The following CERS3 variants were observed in gnomAD, a reference collection of about 807,000 sequenced individuals.
The protein encoded by CERS3 is LAG1 homolog, ceramide synthase 3.
A neutral mutation model predicts 50.3 loss-of-function variants in CERS3; 33 were observed. That is an observed-to-expected ratio of 0.66 (90% CI 0.50 to 0.88). CERS3 has a LOEUF of 0.88. Ranked by LOEUF, CERS3 falls within the 40% of genes least tolerant of loss-of-function variation. The pLI is 0.00. For synonymous variants in CERS3, 176 were observed against 155.2 expected (o/e 1.13, Z -0.99); for missense variants, 470 against 460.3 (o/e 1.02, Z -0.19).
chr15:100,487,923 C>CAT (rs1228523066), intron 4 of CERS3, among the ~76,000 whole-genome samples: 6 of 152,154 alleles, frequency 3.9e-5, no homozygotes, highest in East Asian at 1.9e-4. Context: ...TGCATCAGTT[C>CAT]ATATATATAT....
chr15:100,539,300 T>C (rs1177977522), intron 1 of CERS3, among the ~76,000 whole-genome samples: 2 of 152,216 alleles, frequency 1.3e-5, no homozygotes, highest in Non-Finnish European at 2.9e-5. Flanking sequence ...AGTTCCAAAG[T>C]TGCTTCCACA....
At chr15:100,412,030 T>C (rs2142060605) in intron 11 of CERS3, among the ~76,000 whole-genome samples, 1 of 152,346 alleles carries the variant, frequency 6.6e-6, no homozygotes, top group East Asian at 1.9e-4. Flanking sequence ...ATCAGATATA[T>C]GATTTGCAAA....
At chr15:100,532,177 T>A (rs2036953395), upstream of CERS3, among the ~76,000 whole-genome samples, 1 of 152,128 alleles carries the variant, frequency 6.6e-6, no homozygotes, top group Admixed American at 6.5e-5. Flanking sequence ...TGCATGGGTG[T>A]AGATGGGGAA....
At chr15:100,417,630 G>A (rs998879281) in intron 11 of CERS3, among the ~76,000 whole-genome samples, 10 of 152,026 alleles carry the variant, frequency 6.6e-5, no homozygotes, top group Non-Finnish European at 1.0e-4. Flanking sequence ...TGGGGGCAGG[G>A]CACAGCCAAA....
At chr15:100,520,645 C>A (rs1321751836) in intron 2 of CERS3, among the ~76,000 whole-genome samples, 1 of 152,174 alleles carries the variant, frequency 6.6e-6, no homozygotes, top group African/African-American at 2.4e-5. Context: ...TGGGAAAATA[C>A]ATGTGTGATA....
At chr15:100,463,814 G>A (rs2034628374) in intron 10 of CERS3, among the ~76,000 whole-genome samples, 1 of 152,146 alleles carries the variant, frequency 6.6e-6, no homozygotes, top group South Asian at 2.1e-4. Flanking sequence ...TGCGCAAACG[G>A]CACTAAGCTG....
Position 100,456,002 on chromosome 15 carries a change from G to A in CERS3, c.890C>T (p.Pro297Leu), listed in dbSNP as rs986519936. The change falls in exon 11 of 12, where the codon CCT (proline) becomes CTT (leucine). Residue 297 changes from proline to leucine, a missense_variant. Pro to Leu is a moderately conservative substitution (Grantham distance 98, BLOSUM62 -3). Coordinates refer to ENST00000679737, the MANE Select transcript of CERS3 (RefSeq NM_001378789.1). The stretch of plus-strand genomic sequence containing the variant: ...GTTGAGGAAGATGTATGAAAAGAAA[G>A]GCTCGAGGTGATACATAGGCAAGAT... ...TLILPMYHLEPFFSYIFLNLQ... is the reference protein window; with the variant it reads ...TLILPMYHLELFFSYIFLNLQ... The A allele has an allele frequency of 6.2e-7, 1 of 1,612,850 alleles. No homozygotes were observed. Among genetic ancestry groups the A allele is most frequent in the African/African-American group, 1.3e-5 (1 of 74,810 alleles).
chr15:100,465,659 CT>C (rs574991706), intron 10 of CERS3, among the ~76,000 whole-genome samples: 452 of 140,760 alleles, frequency 3.2e-3, no homozygotes, highest in Middle Eastern at 7.4e-3. Flanking sequence ...TTGTTTTGAA[CT>C]TTTTTTTTTT....
intron 4 of CERS3, among the ~76,000 whole-genome samples, chr15:100,489,422 T>C (rs553327830): frequency 3.3e-5 from 5 of 152,310 alleles, no homozygotes; most frequent in Middle Eastern, 6.8e-3. Context: ...GGCCATTTTT[T>C]CTCCATAGCA....
chr15:100,409,233 G>A (rs1211195987), intron 11 of CERS3, among the ~76,000 whole-genome samples: 1 of 152,074 alleles, frequency 6.6e-6, no homozygotes, highest in Non-Finnish European at 1.5e-5. Context: ...GTATAAATTT[G>A]AAATAATAAA....
chr15:100,425,480 C>CG (rs993178733), intron 11 of CERS3, among the ~76,000 whole-genome samples: 1 of 61,908 alleles, frequency 1.6e-5, no homozygotes, highest in Non-Finnish European at 3.9e-5. Context: ...GATTTAATGA[C>CG]CCCCTGCTGG....
At chr15:100,539,674 A>G (rs1043643478) in intron 1 of CERS3, among the ~76,000 whole-genome samples, 9 of 151,338 alleles carry the variant, frequency 5.9e-5, no homozygotes, top group African/African-American at 1.7e-4. Flanking sequence ...CCCTCGACAC[A>G]TGTGGATTAT....
chr15:100,522,015 G>C (rs1421916969), intron 1 of CERS3, among the ~76,000 whole-genome samples: 1 of 150,990 alleles, frequency 6.6e-6, no homozygotes, highest in South Asian at 2.1e-4. Flanking sequence ...AGACTGGCAA[G>C]AATCACTGGA....
chr15:100,483,787 A>ATTATTTTTTTTTTTT (rs760594142), intron 5 of CERS3, among the ~76,000 whole-genome samples: 72 of 100,016 alleles, frequency 7.2e-4, no homozygotes, highest in Admixed American at 1.1e-3. Flanking sequence ...TATTATTATT[A>ATTATTTTTTTTTTTT]TTTTTTTTTT....
At chr15:100,415,612 T>C (rs771965550) in intron 11 of CERS3, among the ~76,000 whole-genome samples, 17 of 152,206 alleles carry the variant, frequency 1.1e-4, no homozygotes, top group Admixed American at 2.0e-4. Flanking sequence ...TATGCAGTTA[T>C]AAAAAGGAAT....
intron 11 of CERS3, chr15:100,437,916 A>G (rs1484351625): frequency 6.6e-6 from 1 of 152,336 alleles, no homozygotes; most frequent in Middle Eastern, 3.4e-3. Flanking sequence ...TGTGAGATTA[A>G]AAAAAGAAGA....
Position 100,484,537 on chromosome 15 carries a change from C to T in CERS3, c.407+13G>A. 1.9e-6 allele frequency: 3 copies of T among 1,557,554 alleles called. No individual in the cohort carries two copies. The highest frequency in any genetic ancestry group is 2.7e-6 in the Non-Finnish European group (3 of 1,128,294). On this transcript the variant is annotated intron_variant, in intron 5 of 11. Transcript: ENST00000679737. ...GACGGCAGCATTCCTAAAGCTTGGC[C>T]CATCCTCCTTACCAAGCTTCCTGGA...
intron 8 of CERS3, among the ~76,000 whole-genome samples, chr15:100,473,622 G>A (rs1390810267): frequency 6.6e-6 from 1 of 152,168 alleles, no homozygotes; most frequent in Admixed American, 6.6e-5. Flanking sequence ...CACTAGGATG[G>A]CTATAATAAA....
chr15:100,484,550 C>G lies in CERS3; in HGVS notation c.407G>C (p.Cys136Ser). The part of the protein sequence containing the change: ...PSRLKKFQEA[C>S]WRFAFYLMIT... Reference sequence around the variant, plus strand: ...CTAAAGCTTGGCCCATCCTCCTTACCAAGCTTCCTGGAATTTCTTCAGCCT... The same window carrying G: ...CTAAAGCTTGGCCCATCCTCCTTACGAAGCTTCCTGGAATTTCTTCAGCCT... Residue 136 changes from cysteine to serine, a missense_variant and splice_region_variant, in exon 5 of 12, where the codon TGC becomes TCC. Cys to Ser is a moderately radical substitution (Grantham distance 112). Coordinates refer to ENST00000679737, the MANE Select transcript of CERS3 (RefSeq NM_001378789.1). 6.2e-7 allele frequency: 1 copy of G among 1,608,392 alleles called. No homozygotes were observed. The highest frequency in any genetic ancestry group is 8.5e-7 in the Non-Finnish European group (1 of 1,174,772).
Sources: allele counts gnomAD v4.1 joint callset (sites outside exome capture counted in the v4.1 genomes callset), GRCh38; gene constraint gnomAD v4.1.1; transcripts MANE v1.5; gene names NCBI Gene and HGNC (gene_info 2026-07-23, HGNC 2026-07-21).